FOXP2: variants seen among roughly 807,000 people sequenced by gnomAD.
FOXP2 encodes forkhead box P2.
In FOXP2, 12 loss-of-function variants were observed where a neutral mutation model predicts 115.8. The ratio of observed to expected loss-of-function variants is 0.10; its 90% CI spans 0.07 to 0.17. The LOEUF is 0.17. Among genes scored for constraint, FOXP2 ranks in the 10% least tolerant of loss-of-function variants. FOXP2 has a pLI of 1.00. For missense variants in FOXP2, 629 were observed against 843.5 expected, an observed-to-expected ratio of 0.75 and a Z score of 3.15; for synonymous variants, 328 against 297.7, an observed-to-expected ratio of 1.10 and a Z score of -1.05.
At chr7:114,318,931 T>C (rs569128771) in intron 2 of FOXP2, among the ~76,000 whole-genome samples, 1 of 152,266 alleles carries the variant, frequency 6.6e-6, no homozygotes, top group Admixed American at 6.5e-5. Context: ...TATTCTATAT[T>C]CCAGTAATAG....
At chr7:114,628,391 T>G (rs1428912969) in intron 3 of FOXP2, 149 bp from the exon 4 acceptor site, 1 of 1,039,032 alleles carries the variant, frequency 9.6e-7, no homozygotes, top group Non-Finnish European at 1.4e-6. Flanking sequence ...TTAGTACTAT[T>G]GTAAAGAAGT....
intron 1 of FOXP2, among the ~76,000 whole-genome samples, chr7:114,133,052 C>T (rs1162187017): frequency 6.6e-6 from 1 of 152,130 alleles, no homozygotes; most frequent in Admixed American, 6.5e-5. Context: ...ATCCAAATAG[C>T]AGATGAAGAT....
chr7:114,225,507 T>A (rs1178258154), intron 1 of FOXP2, among the ~76,000 whole-genome samples: 1 of 152,036 alleles, frequency 6.6e-6, no homozygotes, highest in African/African-American at 2.4e-5. Flanking sequence ...TGCAGTAGCA[T>A]GATCATGGAT....
At chr7:114,254,349 G>C (rs1295248066) in intron 1 of FOXP2, among the ~76,000 whole-genome samples, 2 of 152,142 alleles carry the variant, frequency 1.3e-5, no homozygotes, top group African/African-American at 4.8e-5. Flanking sequence ...TGCCATGCTA[G>C]GTTGGGGAAG....
chr7:114,317,532 C>G (rs1797303015), intron 2 of FOXP2, among the ~76,000 whole-genome samples: 1 of 151,372 alleles, frequency 6.6e-6, no homozygotes, highest in Non-Finnish European at 1.5e-5. Context: ...ATCTCCACAT[C>G]TGCCACCTTA....
intron 7 of FOXP2, among the ~76,000 whole-genome samples, chr7:114,643,510 A>G (rs913906556): frequency 7.9e-5 from 12 of 152,176 alleles, no homozygotes; most frequent in African/African-American, 2.9e-4. Context: ...CTAAACTTTC[A>G]AAGAAAAATT....
chr7:114,283,286 A>T (rs1796384887), intron 1 of FOXP2, among the ~76,000 whole-genome samples: 1 of 152,226 alleles, frequency 6.6e-6, no homozygotes, highest in Non-Finnish European at 1.5e-5. Flanking sequence ...ACAGTATTTA[A>T]AATGTTAGTA....
At chr7:114,563,242 A>G (rs1252066796) in intron 3 of FOXP2, among the ~76,000 whole-genome samples, 1 of 152,172 alleles carries the variant, frequency 6.6e-6, no homozygotes, top group African/African-American at 2.4e-5. Context: ...CCACATCACT[A>G]CCTTTCTGAA....
At position 114,653,813 on chromosome 7, in the gene FOXP2, T is replaced by C. The variant is rs577341881; in HGVS notation, c.1183-113T>C. 7.5e-6 allele frequency: 9 copies of C among 1,192,434 alleles called. No homozygotes were observed. In the East Asian group the frequency reaches 1.9e-4, roughly 25 times the overall value. 73.9% of individuals were successfully genotyped at this position (1,192,434 alleles called of 1,614,324 possible). A position where few individuals can be genotyped will look rare whatever the true frequency, so the allele number is the denominator to read the frequency against. On this transcript the variant is annotated intron_variant, in intron 9 of 16. Coordinates refer to ENST00000350908, the MANE Select transcript of FOXP2 (RefSeq NM_014491.4). ...ATAAGTTCCTCCTGACGCAGACTTTTACATGCAGGAATCATTATTCTGAGG... is the reference window on the plus strand; with the variant it reads ...ATAAGTTCCTCCTGACGCAGACTTTCACATGCAGGAATCATTATTCTGAGG...
chr7:114,238,777 A>AG (rs1214485320), intron 1 of FOXP2, among the ~76,000 whole-genome samples: 3 of 151,606 alleles, frequency 2.0e-5, no homozygotes, highest in Non-Finnish European at 4.4e-5. Context: ...ATCTGGGAAA[A>AG]AAACCAAAAA....
At chr7:114,406,119 C>T (rs1793032238) in intron 2 of FOXP2, among the ~76,000 whole-genome samples, 1 of 148,816 alleles carries the variant, frequency 6.7e-6, no homozygotes. Flanking sequence ...GATTTTAAGT[C>T]TAATTGGAAA....
intron 6 of FOXP2, among the ~76,000 whole-genome samples, chr7:114,634,514 T>G (rs1031537619): frequency 2.0e-5 from 3 of 151,988 alleles, no homozygotes; most frequent in African/African-American, 7.2e-5. Context: ...TATTAATCAT[T>G]TAAGGTCATC....
intron 2 of FOXP2, among the ~76,000 whole-genome samples, chr7:114,328,325 C>T (rs1036836550): frequency 3.3e-5 from 5 of 151,312 alleles, no homozygotes; most frequent in Admixed American, 3.3e-4. Context: ...CAAGCTCCGC[C>T]TCCTGGATTC....
At chr7:114,219,424 T>G (rs1794562852) in intron 1 of FOXP2, among the ~76,000 whole-genome samples, 1 of 152,116 alleles carries the variant, frequency 6.6e-6, no homozygotes, top group Non-Finnish European at 1.5e-5. Flanking sequence ...TTAATATACT[T>G]AGAGTGGTCA....
intron 1 of FOXP2, among the ~76,000 whole-genome samples, chr7:114,215,740 G>T (rs1483319677): frequency 6.6e-6 from 1 of 151,700 alleles, no homozygotes; most frequent in East Asian, 1.9e-4. Flanking sequence ...ATCAATGAAT[G>T]AATACGAATA....
At chr7:114,210,018 G>C (rs1563006574) in intron 1 of FOXP2, among the ~76,000 whole-genome samples, 1 of 152,158 alleles carries the variant, frequency 6.6e-6, no homozygotes, top group Non-Finnish European at 1.5e-5. Context: ...TATTTTGGCT[G>C]TTGGCTGCTG....
rs763694805 is a variant in FOXP2, at chr7:114,658,111, A to C, written c.1312A>C (p.Thr438Pro). The C allele has an allele frequency of 1.2e-6, 2 of 1,613,702 alleles. No individual in the cohort carries two copies. The highest frequency in any genetic ancestry group is 1.3e-5 in the African/African-American group (1 of 74,818). ...CACCATGTCGAAGAATATGTTGGAG[A>C]CATCCCCACAGAGCTTACCTCAAAC... ...SVTMSKNMLE[T>P]SPQSLPQTPT... Residue 438 changes from threonine (T) to proline (P), a missense_variant, in exon 11 of 17, where the codon ACA (threonine) becomes CCA (proline). By Grantham distance (38) the Thr-to-Pro change is conservative. Transcript: ENST00000350908.
chr7:114,528,615 C>G (rs1034902045), intron 2 of FOXP2, among the ~76,000 whole-genome samples: 1 of 151,862 alleles, frequency 6.6e-6, no homozygotes, highest in Admixed American at 6.6e-5. Context: ...ATATGCAGAA[C>G]AGAGGATTCA....
At chr7:114,469,978 G>T (rs1795977471) in intron 2 of FOXP2, among the ~76,000 whole-genome samples, 1 of 152,164 alleles carries the variant, frequency 6.6e-6, no homozygotes, top group Non-Finnish European at 1.5e-5. Flanking sequence ...TAATTAGGGA[G>T]TATCAATTTA....
Sources: allele counts gnomAD v4.1 joint callset (sites outside exome capture counted in the v4.1 genomes callset), GRCh38; gene constraint gnomAD v4.1.1; transcripts MANE v1.5; gene names NCBI Gene and HGNC (gene_info 2026-07-23, HGNC 2026-07-21).